Variants in DCLK1 observed in about 807,000 individuals in gnomAD.
The protein encoded by DCLK1 is serine/threonine-protein kinase DCLK1.
DCLK1 carries 16 observed loss-of-function variants against 86.2 expected under a neutral mutation model. The observed-to-expected ratio is 0.19, with a 90% CI of 0.13 to 0.28. The LOEUF (loss-of-function observed/expected upper bound fraction) is 0.28, where lower values mean the gene tolerates loss of function less well. Among genes scored for constraint, DCLK1 ranks in the 10% least tolerant of loss-of-function variants. DCLK1 has a pLI of 1.00. For missense variants in DCLK1, 590 were observed against 940.2 expected (o/e 0.63, Z 4.87); for synonymous variants, 369 against 370.5 (o/e 1.00, Z 0.05).
chr13:35,929,026 T>C (rs1159285705), intron 4 of DCLK1, among the ~76,000 whole-genome samples: 2 of 152,150 alleles, frequency 1.3e-5, no homozygotes, highest in Non-Finnish European at 2.9e-5. Context: ...GCCTCCCAGG[T>C]TCATGCCATT....
chr13:35,904,089 A>C (rs193210850), intron 4 of DCLK1, among the ~76,000 whole-genome samples: 2 of 152,084 alleles, frequency 1.3e-5, no homozygotes, highest in East Asian at 3.9e-4. Context: ...TTATGTGCAG[A>C]GGGGGTAGTA....
intron 5 of DCLK1, among the ~76,000 whole-genome samples, chr13:35,865,078 C>T (rs1338822282): frequency 6.6e-6 from 1 of 152,018 alleles, no homozygotes; most frequent in Non-Finnish European, 1.5e-5. Flanking sequence ...AATATAAAGC[C>T]AACTGAAATT....
chr13:35,818,000 A>AT (rs2087308980), intron 11 of DCLK1, among the ~76,000 whole-genome samples: 1 of 152,164 alleles, frequency 6.6e-6, no homozygotes, highest in Non-Finnish European at 1.5e-5. Context: ...AGCCAAAAAT[A>AT]TTTTTGGATT....
At chr13:36,006,026 G>A (rs925620943) in intron 3 of DCLK1, among the ~76,000 whole-genome samples, 3 of 152,076 alleles carry the variant, frequency 2.0e-5, no homozygotes, top group African/African-American at 7.2e-5. Flanking sequence ...AGGGTCGGGG[G>A]AAAGAGGATG....
chr13:36,041,691 C>T (rs2153155309), intron 3 of DCLK1, among the ~76,000 whole-genome samples: 1 of 152,232 alleles, frequency 6.6e-6, no homozygotes, highest in East Asian at 1.9e-4. Flanking sequence ...GTATTTTAAA[C>T]ACTCTGCTTG....
chr13:35,847,389 T>C (rs1161687607), intron 6 of DCLK1: 7 of 985,088 alleles, frequency 7.1e-6, no homozygotes, highest in Non-Finnish European at 7.2e-6. Flanking sequence ...TACTATACTT[T>C]ACTGTTGATG....
chr13:35,958,063 CTAG>C (rs1396760508), intron 3 of DCLK1, among the ~76,000 whole-genome samples: 48 of 82,730 alleles, frequency 5.8e-4, no homozygotes, highest in African/African-American at 1.4e-3. Context: ...ACTATAACCA[CTAG>C]CACCACCACC....
intron 3 of DCLK1, among the ~76,000 whole-genome samples, chr13:36,010,299 G>T (rs1373491122): frequency 8.6e-6 from 1 of 116,398 alleles, no homozygotes; most frequent in Non-Finnish European, 1.7e-5. Flanking sequence ...TCCCTGTCTT[G>T]TGCCAGTTTT....
At chr13:35,847,731 A>G in intron 6 of DCLK1, 1 of 985,148 alleles carries the variant, frequency 1.0e-6, no homozygotes, top group Non-Finnish European at 1.2e-6. Context: ...GGGTATATAT[A>G]TATATAGTAC....
At position 35,770,238 on chromosome 13, in the gene DCLK1, T is replaced by A. The variant is rs2086305725; in HGVS notation, c.*4297A>T. On this transcript the variant is annotated 3_prime_UTR_variant, in exon 17 of 17. Transcript: ENST00000360631. Reference sequence around the variant, plus strand: ...TCATGTGTAAGCACCATTGAACCAATTTTTAAAGCACATTTGCAGTTATCA... The same window carrying A: ...TCATGTGTAAGCACCATTGAACCAAATTTTAAAGCACATTTGCAGTTATCA... The A allele has an allele frequency of 6.6e-6, 1 of 152,182 alleles. No individual in the cohort carries two copies. The highest frequency in any genetic ancestry group is 2.1e-4 in the South Asian group (1 of 4,834). The allele number at this position is 152,182 out of a possible 1,614,324, so 9.4% of individuals were successfully genotyped here.
chr13:36,087,156 G>T (rs1187379995), intron 3 of DCLK1, among the ~76,000 whole-genome samples: 1 of 152,058 alleles, frequency 6.6e-6, no homozygotes, highest in Non-Finnish European at 1.5e-5. Flanking sequence ...ATGATCGATC[G>T]CCATTCCAAC....
At chr13:36,031,801 A>G (rs1416174125) in intron 3 of DCLK1, among the ~76,000 whole-genome samples, 1 of 152,200 alleles carries the variant, frequency 6.6e-6, no homozygotes, top group African/African-American at 2.4e-5. Flanking sequence ...ATGTCAGCGC[A>G]GGAGGAACTG....
At chr13:36,024,210 A>G (rs1387843884) in intron 3 of DCLK1, among the ~76,000 whole-genome samples, 1 of 151,958 alleles carries the variant, frequency 6.6e-6, no homozygotes, top group Admixed American at 6.6e-5. Context: ...CCTCATTTCT[A>G]TTCAGTGTTG....
At chr13:35,861,489 G>A (rs1871379461) in intron 5 of DCLK1, among the ~76,000 whole-genome samples, 2 of 152,066 alleles carry the variant, frequency 1.3e-5, no homozygotes, top group African/African-American at 4.8e-5. Flanking sequence ...AAGGACCCAC[G>A]GTGACCACCA....
intron 3 of DCLK1, among the ~76,000 whole-genome samples, chr13:36,105,910 G>A (rs1885376662): frequency 6.6e-6 from 1 of 152,116 alleles, no homozygotes; most frequent in Admixed American, 6.5e-5. Flanking sequence ...AAGGCTCACA[G>A]GCCGGGTCAG....
chr13:36,060,159 C>T (rs1265603866), intron 3 of DCLK1, among the ~76,000 whole-genome samples: 1 of 152,260 alleles, frequency 6.6e-6, no homozygotes, highest in East Asian at 1.9e-4. Context: ...GGGTGAGCCA[C>T]CACACCCAGC....
intron 4 of DCLK1, among the ~76,000 whole-genome samples, chr13:35,924,958 A>T (rs1467903356): frequency 6.6e-6 from 1 of 152,208 alleles, no homozygotes; most frequent in Admixed American, 6.5e-5. Context: ...AACAGAGACC[A>T]TATGGCCCAA....
intron 3 of DCLK1, among the ~76,000 whole-genome samples, chr13:36,059,218 C>G (rs2153158855): frequency 6.6e-6 from 1 of 152,220 alleles, no homozygotes; most frequent in South Asian, 2.1e-4. Flanking sequence ...CAGGAAAGTG[C>G]CATTGTGTAT....
At chr13:35,981,425 C>A (rs1879633236) in intron 3 of DCLK1, among the ~76,000 whole-genome samples, 1 of 152,078 alleles carries the variant, frequency 6.6e-6, no homozygotes, top group Admixed American at 6.5e-5. Context: ...ACAGCCTCCC[C>A]CACTATCAAC....
Sources: allele counts gnomAD v4.1 joint callset (sites outside exome capture counted in the v4.1 genomes callset), GRCh38; gene constraint gnomAD v4.1.1; transcripts MANE v1.5; gene names NCBI Gene and HGNC (gene_info 2026-07-23, HGNC 2026-07-21).